CCSER1: variants seen among roughly 807,000 people sequenced by gnomAD.
The protein encoded by CCSER1 is serine-rich coiled-coil domain-containing protein 1.
Under a neutral mutation model 82.0 loss-of-function variants are expected in CCSER1, and 41 were observed. The observed-to-expected ratio is 0.50, with a 90% CI of 0.39 to 0.65. The LOEUF (loss-of-function observed/expected upper bound fraction) is 0.65. Among genes scored for constraint, CCSER1 ranks in the 30% least tolerant of loss-of-function variants. The probability of loss-of-function intolerance (pLI) is 0.00; values close to 1 mark genes in which losing one functional copy is unlikely to be tolerated. For missense variants in CCSER1, 1,119 were observed against 1,064.2 expected (o/e 1.05, Z -0.72); for synonymous variants, 414 against 383.9 (o/e 1.08, Z -0.92).
chr4:91,314,695 C>T (rs1240854887), intron 10 of CCSER1, among the ~76,000 whole-genome samples: 1 of 151,954 alleles, frequency 6.6e-6, no homozygotes, highest in Non-Finnish European at 1.5e-5. Flanking sequence ...CTCCCTTCTT[C>T]ACTGCCTTCT....
In CCSER1 at chr4:91,142,952, G is replaced by C. The variant is rs567869459; in HGVS notation, c.2217+56958G>C. Among the ~76,000 whole-genome samples, 19 of 95,114 alleles carry C rather than the reference G, an allele frequency of 2.0e-4. 1 individual carries two copies. The South Asian group carries it at 5.9e-3, about 30-fold the overall frequency. The allele number at this position is 95,114 out of a possible 152,430, so 62.4% of individuals were successfully genotyped here. A position where few individuals can be genotyped will look rare whatever the true frequency, so the allele number is the denominator to read the frequency against. On this transcript the variant is annotated intron_variant, in intron 10 of 10. Coordinates refer to ENST00000509176, the MANE Select transcript of CCSER1 (RefSeq NM_001145065.2). ...TGTTCTTTTTGCTTAGGGTTAATTT[G>C]GCTATTTGAACTCTTTTTTGGTTCT...
intron 4 of CCSER1, among the ~76,000 whole-genome samples, chr4:90,430,801 T>C (rs1412322486): frequency 6.6e-6 from 1 of 151,992 alleles, no homozygotes; most frequent in African/African-American, 2.4e-5. Flanking sequence ...TAATGAAATT[T>C]GTTTTAATTT....
intron 9 of CCSER1, among the ~76,000 whole-genome samples, chr4:90,995,226 G>T (rs1000123859): frequency 3.3e-5 from 5 of 152,128 alleles, no homozygotes; most frequent in African/African-American, 1.2e-4. Context: ...GAACATTCTG[G>T]ATGCCTGCTT....
intron 6 of CCSER1, among the ~76,000 whole-genome samples, chr4:90,690,923 G>T (rs761179169): frequency 7.2e-5 from 11 of 152,020 alleles, no homozygotes; most frequent in Non-Finnish European, 1.3e-4. Context: ...CTCAAACAAT[G>T]AAGTGAGACA....
At chr4:90,572,022 C>A (rs1221234531) in intron 5 of CCSER1, among the ~76,000 whole-genome samples, 1 of 152,110 alleles carries the variant, frequency 6.6e-6, no homozygotes, top group Non-Finnish European at 1.5e-5. Context: ...TTTCTTTCAT[C>A]TTGAATAATT....
intron 10 of CCSER1, among the ~76,000 whole-genome samples, chr4:91,128,948 A>G (rs1727750325): frequency 6.6e-6 from 1 of 152,126 alleles, no homozygotes; most frequent in African/African-American, 2.4e-5. Context: ...AAAAATTAGG[A>G]CATCCATTAT....
chr4:90,734,180 A>C (rs927436648), intron 7 of CCSER1, among the ~76,000 whole-genome samples: 6 of 151,664 alleles, frequency 4.0e-5, no homozygotes, highest in Admixed American at 3.9e-4. Context: ...GGCTGGAGTG[A>C]AGTGGTGCAA....
intron 10 of CCSER1, among the ~76,000 whole-genome samples, chr4:91,497,194 C>G (rs924268583): frequency 6.6e-6 from 1 of 151,294 alleles, no homozygotes; most frequent in Non-Finnish European, 1.5e-5. Flanking sequence ...TAGGTTCCTC[C>G]TATAAATTAT....
chr4:91,146,639 C>T (rs1311152619), intron 10 of CCSER1, among the ~76,000 whole-genome samples: 2 of 146,310 alleles, frequency 1.4e-5, no homozygotes, highest in African/African-American at 5.0e-5. Context: ...TTCTTTTTTT[C>T]CCTTGAGATT....
chr4:91,590,824 ATG>A (rs1764230643), intron 10 of CCSER1, among the ~76,000 whole-genome samples: 2 of 152,180 alleles, frequency 1.3e-5, no homozygotes, highest in African/African-American at 4.8e-5. Flanking sequence ...TAAGGATTAT[ATG>A]TGTTTGCAAA....
chr4:91,099,488 G>C (rs1265915001), intron 10 of CCSER1, among the ~76,000 whole-genome samples: 1 of 152,166 alleles, frequency 6.6e-6, no homozygotes, highest in African/African-American at 2.4e-5. Flanking sequence ...GATTTATTCT[G>C]AGCCACATGA....
Position 90,434,580 on chromosome 4 carries a change from C to T in CCSER1, c.1604-33654C>T, listed in dbSNP as rs376460283. Among the ~76,000 whole-genome samples, 24 of 152,098 alleles carry T rather than the reference C, an allele frequency of 1.6e-4. No individual in the cohort carries two copies. The South Asian group carries it at 2.5e-3, about 16-fold the overall frequency. ...TTGTTGAGCTGAGAAGGAAATGAAG[C>T]ACCATATTAAAGGCAGAGAGAACAG... On this transcript the variant is annotated intron_variant, in intron 4 of 10. Transcript: ENST00000509176.
At chr4:91,564,260 T>C (rs181795089) in intron 10 of CCSER1, among the ~76,000 whole-genome samples, 12 of 152,070 alleles carry the variant, frequency 7.9e-5, no homozygotes, top group African/African-American at 2.6e-4. Flanking sequence ...TTCCATGGTG[T>C]ATATAGGCCA....
intron 10 of CCSER1, among the ~76,000 whole-genome samples, chr4:91,455,402 G>A (rs1363116213): frequency 1.3e-5 from 2 of 152,064 alleles, no homozygotes; most frequent in East Asian, 1.9e-4. Flanking sequence ...AATCATGAGG[G>A]CCCTAGCATC....
rs1013939688 is a variant in CCSER1 at position 90,529,936 on chromosome 4, A to AATATATAT, written c.1724+61591_1724+61598dup. 6.1e-4 allele frequency among the ~76,000 whole-genome samples: 80 copies of AATATATAT among 130,844 alleles called. 2 individuals are homozygous for AATATATAT. Among genetic ancestry groups the AATATATAT allele is most frequent in the African/African-American group, 8.2e-4 (26 of 31,878 alleles). The allele number at this position is 130,844 out of a possible 152,430, so 85.8% of individuals were successfully genotyped here. A position where few individuals can be genotyped will look rare whatever the true frequency, so the allele number is the denominator to read the frequency against. ...GATCCTTTAGCAGCATATTAAATAG[A>AATATATAT]ATATATATATATATATTTTTTTTTT... On this transcript the variant is annotated intron_variant, in intron 5 of 10. Coordinates refer to ENST00000509176, the MANE Select transcript of CCSER1 (RefSeq NM_001145065.2).
At chr4:90,320,995 T>G (rs1166938579) in intron 3 of CCSER1, among the ~76,000 whole-genome samples, 1 of 152,128 alleles carries the variant, frequency 6.6e-6, no homozygotes, top group African/African-American at 2.4e-5. Context: ...ATGCAATTTA[T>G]ATTAATACTA....
At chr4:91,296,502 A>G (rs957379351) in intron 10 of CCSER1, among the ~76,000 whole-genome samples, 2 of 122,644 alleles carry the variant, frequency 1.6e-5, no homozygotes. Flanking sequence ...TTAAATATAC[A>G]GTTATCTGTA....
At chr4:90,898,534 C>T (rs1319129447) in intron 8 of CCSER1, among the ~76,000 whole-genome samples, 6 of 151,338 alleles carry the variant, frequency 4.0e-5, no homozygotes, top group Non-Finnish European at 7.4e-5. Context: ...GTGATTCCCC[C>T]GCCTTGGCCT....
intron 7 of CCSER1, among the ~76,000 whole-genome samples, chr4:90,729,425 C>T (rs546448129): frequency 2.6e-5 from 4 of 152,092 alleles, no homozygotes; most frequent in Non-Finnish European, 5.9e-5. Context: ...TTCAGTTGAG[C>T]TCATATATCA....
Sources: allele counts gnomAD v4.1 joint callset (sites outside exome capture counted in the v4.1 genomes callset), GRCh38; gene constraint gnomAD v4.1.1; transcripts MANE v1.5; gene names NCBI Gene and HGNC (gene_info 2026-07-23, HGNC 2026-07-21).